The following TSPEAR variants were observed in gnomAD, a reference collection of about 807,000 sequenced individuals.
TSPEAR encodes the protein thrombospondin type laminin G domain and EAR repeats.
In TSPEAR, 69 loss-of-function variants were observed where a neutral mutation model predicts 71.6. The ratio of observed to expected loss-of-function variants is 0.96; its 90% CI spans 0.79 to 1.18. The LOEUF is 1.18. Among genes scored for constraint, TSPEAR ranks in the 50% most tolerant of loss-of-function variants. TSPEAR has a pLI of 0.00. For missense variants in TSPEAR, 971 were observed against 894.9 expected (o/e 1.09, Z -1.09); for synonymous variants, 402 against 387.2 (o/e 1.04, Z -0.45).
rs369120855 is a variant in TSPEAR, at chr21:44,647,381, C to T, written c.82+64052G>A. On this transcript the variant is annotated intron_variant, in intron 1 of 11. Coordinates refer to ENST00000323084, the MANE Select transcript of TSPEAR (RefSeq NM_144991.3). The stretch of plus-strand genomic sequence containing the variant: ...GTGCTCAATCCTTGTCTCCTGCTGA[C>T]TGTGTCTTTGCTGCCAAGCAGGATT... The T allele has an allele frequency of 3.6e-5, 57 of 1,605,118 alleles. No individual in the cohort carries two copies. The African/African-American group carries it at 6.8e-4, about 19-fold the overall frequency.
At chr21:44,635,696 G>A (rs1319187758) in intron 1 of TSPEAR, among the ~76,000 whole-genome samples, 1 of 152,210 alleles carries the variant, frequency 6.6e-6, no homozygotes, top group Non-Finnish European at 1.5e-5. Flanking sequence ...TCCTTCGGGA[G>A]CGATGATAGT....
intron 2 of TSPEAR, among the ~76,000 whole-genome samples, chr21:44,551,702 C>A (rs587729602): frequency 6.6e-6 from 1 of 152,110 alleles, no homozygotes; most frequent in Non-Finnish European, 1.5e-5. Context: ...TCCTAACACT[C>A]GGCTGGTCCT....
chr21:44,570,206 G>A (rs1417147227), intron 1 of TSPEAR, among the ~76,000 whole-genome samples: 5 of 152,190 alleles, frequency 3.3e-5, no homozygotes, highest in East Asian at 1.9e-4. Context: ...TCAGCCCATC[G>A]CTCGCTGGGC....
intron 1 of TSPEAR, among the ~76,000 whole-genome samples, chr21:44,590,932 T>G (rs1358890177): frequency 6.6e-6 from 1 of 152,026 alleles, no homozygotes; most frequent in Non-Finnish European, 1.5e-5. Flanking sequence ...CAGAAGGCAT[T>G]GCTTCCTGCC....
chr21:44,707,413 C>T (rs1555952672), intron 1 of TSPEAR, among the ~76,000 whole-genome samples: 1 of 152,062 alleles, frequency 6.6e-6, no homozygotes, highest in African/African-American at 2.4e-5. Context: ...AGAGGAGGGG[C>T]GTTCAGATGG....
intron 1 of TSPEAR, chr21:44,676,969 T>A (rs1555946974): frequency 3.3e-6 from 3 of 916,134 alleles, no homozygotes; most frequent in Non-Finnish European, 5.5e-6. Flanking sequence ...GTCAGCTGGG[T>A]CCGAAACGCT....
intron 1 of TSPEAR, among the ~76,000 whole-genome samples, chr21:44,586,646 G>GCACCTACTCATCTACTTTCTTTCTC (rs1979358536): frequency 6.7e-6 from 1 of 150,336 alleles, no homozygotes; most frequent in Non-Finnish European, 1.5e-5. Context: ...CCAGCCTCAG[G>GCACCTACTCATCTACTTTCTTTCTC]CACCTACTCA....
rs1002697494 is a variant in TSPEAR at position 44,702,660 on chromosome 21, C to T, written c.82+8773G>A. 26 of 1,573,384 alleles carry T rather than the reference C, an allele frequency of 1.7e-5. No individual in the cohort carries two copies. The African/African-American group carries it at 1.8e-4, about 11-fold the overall frequency. On this transcript the variant is annotated intron_variant, in intron 1 of 11. Coordinates refer to ENST00000323084, the MANE Select transcript of TSPEAR (RefSeq NM_144991.3). ...TGTGCAGGCCCACCTGCTGCATGCC[C>T]GTCCCCTCCTGTTGTGCACCCGCCT...
At chr21:44,602,563 G>T (rs1555929128) in intron 1 of TSPEAR, among the ~76,000 whole-genome samples, 2 of 152,194 alleles carry the variant, frequency 1.3e-5, no homozygotes, top group Non-Finnish European at 2.9e-5. Flanking sequence ...ATTTCCGAGG[G>T]GCTCCCCCCG....
chr21:44,503,523 G>C (rs587632683), intron 11 of TSPEAR, among the ~76,000 whole-genome samples: 14 of 137,980 alleles, frequency 1.0e-4, no homozygotes, highest in Admixed American at 4.2e-4. Context: ...TGAGCCCTTG[G>C]GGGGAAGCCG....
intron 2 of TSPEAR, among the ~76,000 whole-genome samples, chr21:44,549,122 C>T (rs2053354310): frequency 6.6e-6 from 1 of 152,164 alleles, no homozygotes; most frequent in African/African-American, 2.4e-5. Context: ...TGGGGTCGGA[C>T]CACACAATCT....
chr21:44,564,816 T>C (rs1389481342), intron 2 of TSPEAR, among the ~76,000 whole-genome samples: 1 of 152,208 alleles, frequency 6.6e-6, no homozygotes, highest in African/African-American at 2.4e-5. Context: ...TCCCACCTGA[T>C]GACAGCAGAA....
chr21:44,532,799 C>A (rs912517700), intron 3 of TSPEAR, among the ~76,000 whole-genome samples: 1 of 152,342 alleles, frequency 6.6e-6, no homozygotes, highest in South Asian at 2.1e-4. Context: ...AACCAGGCGA[C>A]GGCAAAAACG....
At chr21:44,696,620 G>A (rs185476884) in intron 1 of TSPEAR, among the ~76,000 whole-genome samples, 23 of 152,312 alleles carry the variant, frequency 1.5e-4, no homozygotes, top group Middle Eastern at 3.4e-3. Context: ...ATTGGTCTAC[G>A]GATTCAAGAT....
chr21:44,568,067 C>G (rs2053726688), intron 1 of TSPEAR, 62 bp from the exon 2 acceptor site: 18 of 1,328,482 alleles, frequency 1.4e-5, no homozygotes, highest in Non-Finnish European at 1.7e-5. Flanking sequence ...ATACCCATAA[C>G]AGCCAACATG....
chr21:44,581,127 T>A (rs59361232), intron 1 of TSPEAR, among the ~76,000 whole-genome samples: 4,479 of 152,268 alleles, frequency 0.029, 194 homozygotes, highest in African/African-American at 0.094. Context: ...GTAAGGGGAA[T>A]GCTCAGAGAT....
At chr21:44,600,567 C>A (rs1280217344) in intron 1 of TSPEAR, 1 of 1,552,674 alleles carries the variant, frequency 6.4e-7, no homozygotes, top group African/African-American at 1.6e-5. Flanking sequence ...CGGACTCACT[C>A]ACTCATTCAC....
chr21:44,609,165 C>T (rs1248094995), intron 1 of TSPEAR, among the ~76,000 whole-genome samples: 8 of 152,088 alleles, frequency 5.3e-5, no homozygotes, highest in Admixed American at 2.6e-4. Flanking sequence ...GAAGGTAGAA[C>T]AGCAACTAAT....
rs1422927141 is a variant in TSPEAR at position 44,677,218 on chromosome 21, C to G, written c.82+34215G>C. 2.4e-5 allele frequency: 17 copies of G among 713,346 alleles called. No individual in the cohort carries two copies. In the Admixed American group the frequency reaches 3.5e-4, roughly 15 times the overall value. The allele number at this position is 713,346 out of a possible 1,614,324, so 44.2% of individuals were successfully genotyped here. A position where few individuals can be genotyped will look rare whatever the true frequency, so the allele number is the denominator to read the frequency against. ...TTTTCAGTCACACTTTTCATCTTCT[C>G]TACCTCTTCTTTGGCTTTGAGAAGG... is the stretch of plus-strand genomic sequence containing the variant. On this transcript the variant is annotated intron_variant, in intron 1 of 11. Transcript: ENST00000323084.
Sources: allele counts gnomAD v4.1 joint callset (sites outside exome capture counted in the v4.1 genomes callset), GRCh38; gene constraint gnomAD v4.1.1; transcripts MANE v1.5; gene names NCBI Gene and HGNC (gene_info 2026-07-23, HGNC 2026-07-21).